Variants in ESRRG observed in about 807,000 individuals in gnomAD.
ESRRG encodes the protein estrogen related receptor gamma, also known as estrogen-related receptor gamma.
ESRRG carries 13 observed loss-of-function variants against 44.0 expected under a neutral mutation model. The observed-to-expected ratio is 0.30, with a 90% confidence interval of 0.19 to 0.47. The LOEUF is 0.47. ESRRG is among the 20% of genes least tolerant of loss of function. ESRRG has a pLI of 1.00. For missense variants in ESRRG, 395 were observed against 580.6 expected (o/e 0.68, Z 3.29); for synonymous variants, 215 against 214.6 (o/e 1.00, Z -0.02).
chr1:216,798,639 G>A (rs906695735), intron 2 of ESRRG, among the ~76,000 whole-genome samples: 1 of 152,144 alleles, frequency 6.6e-6, no homozygotes, highest in African/African-American at 2.4e-5. Context: ...TAGGATGACT[G>A]GTTAGGAGGC....
At chr1:217,108,667 T>G (rs1336577064) in intron 1 of ESRRG, among the ~76,000 whole-genome samples, 1 of 152,022 alleles carries the variant, frequency 6.6e-6, no homozygotes, top group African/African-American at 2.4e-5. Flanking sequence ...CCCTCTCTCT[T>G]GCTTCTGCTT....
At chr1:216,725,594 A>T (rs913241533), upstream of ESRRG, among the ~76,000 whole-genome samples, 1 of 152,170 alleles carries the variant, frequency 6.6e-6, no homozygotes, top group Non-Finnish European at 1.5e-5. Context: ...AAGACAGAAA[A>T]ACATCCTTTG....
At chr1:216,702,461 G>T (rs547009760) in intron 1 of ESRRG, among the ~76,000 whole-genome samples, 7 of 152,072 alleles carry the variant, frequency 4.6e-5, no homozygotes, top group African/African-American at 1.7e-4. Flanking sequence ...GATAAAGTAA[G>T]TTATTAGATA....
intron 2 of ESRRG, among the ~76,000 whole-genome samples, chr1:216,853,984 C>T (rs575377924): frequency 1.7e-3 from 265 of 152,204 alleles, no homozygotes; most frequent in African/African-American, 6.1e-3. Flanking sequence ...AGAGCATGAG[C>T]CCAGACACAA....
chr1:216,778,696 C>G (rs1423580871), intron 2 of ESRRG, among the ~76,000 whole-genome samples: 2 of 151,906 alleles, frequency 1.3e-5, no homozygotes, highest in African/African-American at 4.8e-5. Flanking sequence ...GTATTGTACA[C>G]CCACTGCAAA....
At chr1:216,762,944 A>G (rs1434135331) in intron 2 of ESRRG, among the ~76,000 whole-genome samples, 1 of 152,140 alleles carries the variant, frequency 6.6e-6, no homozygotes, top group Non-Finnish European at 1.5e-5. Flanking sequence ...TAGCCTATGA[A>G]GCAAGCATGT....
intron 2 of ESRRG, among the ~76,000 whole-genome samples, chr1:216,787,666 G>C (rs1243075327): frequency 6.7e-6 from 1 of 149,920 alleles, no homozygotes; most frequent in East Asian, 2.0e-4. Flanking sequence ...AGGAAGAATT[G>C]CATGTCTTTC....
chr1:217,012,168 A>T (rs907804366), intron 1 of ESRRG, among the ~76,000 whole-genome samples: 2 of 152,164 alleles, frequency 1.3e-5, no homozygotes, highest in African/African-American at 4.8e-5. Flanking sequence ...TCTGCCTCTG[A>T]TGTGGACACC....
At chr1:216,699,290 T>C (rs559341866) in intron 1 of ESRRG, among the ~76,000 whole-genome samples, 2 of 152,280 alleles carry the variant, frequency 1.3e-5, no homozygotes, top group South Asian at 4.1e-4. Context: ...GCTGTAAAAG[T>C]GAGAAAATAT....
intron 2 of ESRRG, among the ~76,000 whole-genome samples, chr1:216,838,556 T>C (rs2095603843): frequency 1.3e-5 from 2 of 152,144 alleles, no homozygotes; most frequent in Admixed American, 1.3e-4. Flanking sequence ...AGGGATCAAA[T>C]TCCTGACTTT....
chr1:216,945,925 A>T (rs1300715965), intron 1 of ESRRG, among the ~76,000 whole-genome samples: 1 of 152,190 alleles, frequency 6.6e-6, no homozygotes, highest in African/African-American at 2.4e-5. Flanking sequence ...CAGTTAAGGA[A>T]AAATTCAATA....
intron 1 of ESRRG, among the ~76,000 whole-genome samples, chr1:216,700,124 C>CT (rs11464355): frequency 0.71 from 105,049 of 147,102 alleles, 37,492 homozygotes; most frequent in East Asian, 0.87. Flanking sequence ...AGCCCCGCAC[C>CT]TTTTTTTTTT....
At chr1:216,709,327 GTA>G (rs1206610559) in intron 1 of ESRRG, among the ~76,000 whole-genome samples, 6 of 86,866 alleles carry the variant, frequency 6.9e-5, no homozygotes, top group Non-Finnish European at 9.1e-5. Context: ...ATATATATGT[GTA>G]TGTGTGTGTG....
chr1:217,080,042 A>T (rs893822249), intron 1 of ESRRG, among the ~76,000 whole-genome samples: 1 of 152,162 alleles, frequency 6.6e-6, no homozygotes, highest in African/African-American at 2.4e-5. Flanking sequence ...ACATCAATCC[A>T]AGCTTTCTGA....
intron 2 of ESRRG, among the ~76,000 whole-genome samples, chr1:216,829,334 C>T (rs1394768012): frequency 1.3e-5 from 2 of 152,016 alleles, no homozygotes; most frequent in African/African-American, 4.8e-5. Context: ...CACGAAAGGG[C>T]CATTCACTGG....
At chr1:216,641,789 T>C (rs1431904806) in intron 3 of ESRRG, among the ~76,000 whole-genome samples, 1 of 152,248 alleles carries the variant, frequency 6.6e-6, no homozygotes, top group Admixed American at 6.5e-5. Flanking sequence ...AAAGTTTATG[T>C]TGGGATGTCA....
chr1:216,707,836 A>G (rs1384180365), intron 1 of ESRRG, among the ~76,000 whole-genome samples: 1 of 152,198 alleles, frequency 6.6e-6, no homozygotes, highest in Non-Finnish European at 1.5e-5. Flanking sequence ...TAAGCAATTA[A>G]TTTGACACCA....
At chr1:217,027,466 G>T (rs1329499211) in intron 1 of ESRRG, among the ~76,000 whole-genome samples, 12 of 152,090 alleles carry the variant, frequency 7.9e-5, no homozygotes, top group Admixed American at 7.9e-4. Context: ...AAATCTTAGG[G>T]CCTGGAACCT....
At chr1:216,624,787 A>G (rs2062886679) in intron 3 of ESRRG, among the ~76,000 whole-genome samples, 1 of 152,148 alleles carries the variant, frequency 6.6e-6, no homozygotes, top group Non-Finnish European at 1.5e-5. Context: ...AACCCAGCAT[A>G]CCTTAACTAA....
Sources: gnomAD v4.1 joint callset for allele counts (sites outside exome capture counted in the v4.1 genomes callset) on GRCh38, gnomAD v4.1.1 for gene constraint, MANE v1.5 for transcripts, NCBI Gene and HGNC (gene_info 2026-07-23, HGNC 2026-07-21) for gene names.